Variants in DNAH8 observed in about 807,000 individuals in gnomAD.
DNAH8 encodes axonemal beta dynein heavy chain 8.
DNAH8 carries 382 observed loss-of-function variants against 562.1 expected under a neutral mutation model. The ratio of observed to expected loss-of-function variants is 0.68; its 90% CI spans 0.63 to 0.74. The LOEUF (loss-of-function observed/expected upper bound fraction) is 0.74. Ranked by LOEUF, DNAH8 falls within the 30% of genes least tolerant of loss-of-function variation. The probability of loss-of-function intolerance (pLI) is 0.00; values close to 1 mark genes in which losing one functional copy is unlikely to be tolerated. For missense variants in DNAH8, 5,203 were observed against 5,620.4 expected, an observed-to-expected ratio of 0.93 and a Z score of 2.37; for synonymous variants, 1,881 against 1,919.4, an observed-to-expected ratio of 0.98 and a Z score of 0.52.
rs1266588383 is a variant in DNAH8 at position 38,864,012 on chromosome 6, T to G, written c.6450T>G (p.Asp2150Glu). ...GAAAGAAACAGTTCATTTTTTCTGA[T>G]GGTGATTGTGTTGATTTAAATCCAG... Reference protein sequence around the residue: ...KERKKQFIFSDGDCVDLNPEF... With the variant: ...KERKKQFIFSEGDCVDLNPEF... Residue 2150 changes from aspartate to glutamate, a missense_variant, in exon 45 of 93, where the codon GAT becomes GAG. Around this residue, in one of 6 missense-constraint regions of DNAH8, gnomAD observed 2,176 missense variants for 2,365.1 expected, o/e 0.92. Coordinates refer to ENST00000327475, the MANE Select transcript of DNAH8 (RefSeq NM_001206927.2). The G allele has an allele frequency of 6.2e-7, 1 of 1,610,076 alleles. No homozygotes were observed. The highest frequency in any genetic ancestry group is 2.2e-5 in the East Asian group (1 of 44,826).
intron 82 of DNAH8, among the ~76,000 whole-genome samples, chr6:38,958,661 A>C (rs1188862652): frequency 6.6e-6 from 1 of 150,538 alleles, no homozygotes; most frequent in African/African-American, 2.4e-5. Flanking sequence ...AAAAAAAAAA[A>C]AAAAAAAAGC....
chr6:38,902,266 C>T (rs926605908), intron 62 of DNAH8, among the ~76,000 whole-genome samples: 1 of 152,158 alleles, frequency 6.6e-6, no homozygotes, highest in African/African-American at 2.4e-5. Context: ...ACAGCTCCTC[C>T]AGGAGAGTAC....
chr6:38,780,849 T>TAA (rs149534301), intron 15 of DNAH8, among the ~76,000 whole-genome samples: 1 of 151,328 alleles, frequency 6.6e-6, no homozygotes, highest in African/African-American at 2.4e-5. Context: ...AAATAAAAGT[T>TAA]AAAAAAAAAC....
chr6:38,748,706 A>T (rs1254994698), intron 8 of DNAH8, among the ~76,000 whole-genome samples: 1 of 151,100 alleles, frequency 6.6e-6, no homozygotes, highest in Non-Finnish European at 1.5e-5. Context: ...GTGAGCTGAG[A>T]TCGTGCCACT....
intron 3 of DNAH8, among the ~76,000 whole-genome samples, chr6:38,728,330 C>T (rs889277366): frequency 8.0e-6 from 1 of 125,308 alleles, no homozygotes; most frequent in East Asian, 1.9e-4. Flanking sequence ...TGCCACTTTA[C>T]CTAGTTGATA....
In DNAH8 at chr6:38,826,213, G is replaced by A. The variant is rs267601013; in HGVS notation, c.3905G>A (p.Arg1302Gln). 2.0e-5 allele frequency: 32 copies of A among 1,613,370 alleles called. No homozygotes were observed. The highest frequency in any genetic ancestry group is 8.3e-5 in the Admixed American group (5 of 59,930). Residue 1302 changes from arginine to glutamine, a missense_variant, in exon 29 of 93, where the codon CGA becomes CAA. This residue lies in a region of DNAH8 where 2,176 missense variants were observed against 2,365.1 expected (regional missense o/e 0.92). Coordinates refer to ENST00000327475, the MANE Select transcript of DNAH8 (RefSeq NM_001206927.2). ...AAGGCATGGAAGATGTTACTCTGTC[G>A]ATATCTGAATGAAGAATACAAAAAG... ...EAKAWKMLLC[R>Q]YLNEEYKKKM...
intron 12 of DNAH8, among the ~76,000 whole-genome samples, chr6:38,771,546 C>G (rs1257785723): frequency 1.3e-5 from 2 of 152,078 alleles, no homozygotes; most frequent in African/African-American, 4.8e-5. Flanking sequence ...CAGTCACACC[C>G]CATTCTCTCC....
At chr6:38,815,707 A>G (rs2150321260) in intron 26 of DNAH8, 50 bp downstream of exon 26, 3 of 1,461,038 alleles carry the variant, frequency 2.1e-6, no homozygotes, top group Non-Finnish European at 2.8e-6. Flanking sequence ...TTTGGATTTG[A>G]TAGCATATAG....
rs776727337 is a variant in DNAH8 at position 38,938,224 on chromosome 6, C to T, written c.11814C>T (p.Ala3938=). ...TGAAGTTATTTGACCAGTCCATGGC[C>T]AGGTGAGTCCTCACTACCTTCATCC... ...QFLKLFDQSM[A]RSEKSPLPQK... The change falls in exon 78 of 93, where the codon GCC becomes GCT. Residue 3938 remains alanine, a splice_region_variant and synonymous_variant. Coordinates refer to ENST00000327475, the MANE Select transcript of DNAH8 (RefSeq NM_001206927.2). 1.9e-6 allele frequency: 3 copies of T among 1,605,840 alleles called. No homozygotes were observed. The highest frequency in any genetic ancestry group is 1.7e-6 in the Non-Finnish European group (2 of 1,174,980).
At chr6:38,768,889 C>T (rs58350338) in intron 11 of DNAH8, among the ~76,000 whole-genome samples, 18,540 of 152,128 alleles carry the variant, frequency 0.12, 1,386 homozygotes, top group Admixed American at 0.22. Flanking sequence ...TCCTCTAGAG[C>T]TTCTCTTGTT....
In DNAH8 at chr6:38,963,267, T is replaced by C. The variant is rs1437923511; in HGVS notation, c.12452-8325T>C. 2.4e-3 allele frequency among the ~76,000 whole-genome samples: 251 copies of C among 106,660 alleles called. 2 individuals carry two copies. Among genetic ancestry groups the C allele is most frequent in the African/African-American group, 8.7e-3 (233 of 26,746 alleles). 70.0% of individuals were successfully genotyped at this position (106,660 alleles called of 152,430 possible). A position where few individuals can be genotyped will look rare whatever the true frequency, so the allele number is the denominator to read the frequency against. ...GAGTCCTTTTTCTTTTTTTTTTTTT[T>C]TTTTTTTTTTTTTGTAAAGGACATA... On this transcript the variant is annotated intron_variant, in intron 82 of 92. Transcript: ENST00000327475.
intron 41 of DNAH8, among the ~76,000 whole-genome samples, chr6:38,856,353 A>G (rs1465398524): frequency 2.0e-5 from 3 of 152,176 alleles, no homozygotes; most frequent in Non-Finnish European, 4.4e-5. Context: ...GACTGAGTAT[A>G]AAAACATAAT....
intron 22 of DNAH8, 104 bp downstream of exon 22, chr6:38,803,415 C>A: frequency 1.3e-6 from 1 of 779,702 alleles, no homozygotes; most frequent in Non-Finnish European, 2.0e-6. Context: ...CTCCCTTCCC[C>A]AGAAGCAAAG....
intron 34 of DNAH8, 34 bp from the exon 35 acceptor site, chr6:38,842,629 G>A: frequency 6.2e-7 from 1 of 1,601,914 alleles, no homozygotes; most frequent in East Asian, 2.2e-5. Flanking sequence ...TAAATGTGAA[G>A]GTGGCATATT....
chr6:38,926,313 T>C (rs758428176), intron 74 of DNAH8, 103 bp downstream of exon 74: 21 of 1,290,086 alleles, frequency 1.6e-5, no homozygotes, highest in East Asian at 2.4e-5. Context: ...CCATGACAAA[T>C]GTTTGCTAAT....
rs1775210413 is a variant in DNAH8, at chr6:38,845,446, G to A, written c.4846-128G>A. The A allele has an allele frequency of 6.0e-6, 4 of 663,516 alleles. No homozygotes were observed. In the South Asian group the frequency reaches 7.7e-5, roughly 13 times the overall value. 41.1% of individuals were successfully genotyped at this position (663,516 alleles called of 1,614,324 possible). ...AATGATCTGAAGCCTTTTCTTGGCT[G>A]TAAAATGACTAAATGAACTGGGTGA... On this transcript the variant is annotated intron_variant, in intron 35 of 92. Coordinates refer to ENST00000327475, the MANE Select transcript of DNAH8 (RefSeq NM_001206927.2).
intron 89 of DNAH8, among the ~76,000 whole-genome samples, 164 bp from the exon 90 acceptor site, chr6:39,012,051 G>T (rs905717725): frequency 1.3e-5 from 2 of 152,170 alleles, no homozygotes; most frequent in African/African-American, 4.8e-5. Flanking sequence ...GCAGGAAATG[G>T]AAAGTTTAAT....
At chr6:39,002,720 T>G (rs928838254) in intron 88 of DNAH8, among the ~76,000 whole-genome samples, 1 of 152,200 alleles carries the variant, frequency 6.6e-6, no homozygotes, top group Non-Finnish European at 1.5e-5. Context: ...TACAGTCAAT[T>G]TTTGTTCATT....
intron 65 of DNAH8, 37 bp from the exon 66 acceptor site, chr6:38,911,431 A>T (rs201759680): frequency 2.1e-5 from 30 of 1,452,100 alleles, no homozygotes; most frequent in Non-Finnish European, 2.9e-5. Flanking sequence ...GAGTACGCAC[A>T]ATGATTGAAA....
Sources: gnomAD v4.1 joint callset for allele counts (sites outside exome capture counted in the v4.1 genomes callset) on GRCh38, gnomAD v4.1.1 for gene constraint, gnomAD v4.1.1 regional missense constraint, MANE v1.5 for transcripts, NCBI Gene and HGNC (gene_info 2026-07-23, HGNC 2026-07-21) for gene names.